The following TEX36 variants were observed in gnomAD, a reference collection of about 807,000 sequenced individuals.
The protein encoded by TEX36 is testis expressed 36, also known as testis-expressed protein 36.
Under a neutral mutation model 13.6 loss-of-function variants are expected in TEX36, and 12 were observed. The ratio of observed to expected loss-of-function variants is 0.88; its 90% CI spans 0.56 to 1.43. The LOEUF (loss-of-function observed/expected upper bound fraction) is 1.43. Among genes scored for constraint, TEX36 ranks in the 40% most tolerant of loss-of-function variants. The pLI is 0.00. For synonymous variants in TEX36, 93 were observed against 83.0 expected, an observed-to-expected ratio of 1.12 and a Z score of -0.65; for missense variants, 224 against 228.3, an observed-to-expected ratio of 0.98 and a Z score of 0.12.
At position 125,641,198 on chromosome 10, in the gene TEX36, C is replaced by T. The variant is rs867684067; in HGVS notation, c.265-19553G>A. Among the ~76,000 whole-genome samples, 4 of 152,152 alleles carry T rather than the reference C, an allele frequency of 2.6e-5. No homozygotes were observed. In the South Asian group the frequency reaches 8.3e-4, roughly 31 times the overall value. On this transcript the variant is annotated intron_variant, in intron 3 of 3. Coordinates refer to the TEX36 transcript ENST00000526819. ...AAGTGCCCTCACAACATCTGATTCC[C>T]GTGCCTGGCCACCCAAACAGAAATG...
chr10:125,612,961 T>C (rs1023678681), intron 3 of TEX36, among the ~76,000 whole-genome samples: 13 of 152,078 alleles, frequency 8.5e-5, no homozygotes, highest in Non-Finnish European at 1.8e-4. Context: ...ATATCAATAC[T>C]AAAGGCAGCC....
intron 3 of TEX36, among the ~76,000 whole-genome samples, chr10:125,644,191 AC>A (rs1846732832): frequency 6.6e-6 from 1 of 152,228 alleles, no homozygotes; most frequent in Non-Finnish European, 1.5e-5. Flanking sequence ...TGGCTAAATA[AC>A]AGAATGGATC....
intron 3 of TEX36, among the ~76,000 whole-genome samples, chr10:125,630,181 C>T (rs1380247561): frequency 6.6e-6 from 1 of 152,130 alleles, no homozygotes; most frequent in Non-Finnish European, 1.5e-5. Flanking sequence ...ATTTTATTGG[C>T]ATTTTATTAT....
At chr10:125,657,616 T>C (rs982567288) in intron 3 of TEX36, among the ~76,000 whole-genome samples, 8 of 152,074 alleles carry the variant, frequency 5.3e-5, no homozygotes, top group Non-Finnish European at 7.4e-5. Context: ...TGTACTGAAT[T>C]GTACAAATTC....
At chr10:125,668,601 T>A (rs928537951) in intron 1 of TEX36, among the ~76,000 whole-genome samples, 2 of 152,172 alleles carry the variant, frequency 1.3e-5, no homozygotes, top group Non-Finnish European at 2.9e-5. Context: ...TATTTGGGTT[T>A]TCTCTTTTGT....
At chr10:125,615,214 C>T (rs1028156166) in intron 3 of TEX36, among the ~76,000 whole-genome samples, 2 of 152,020 alleles carry the variant, frequency 1.3e-5, no homozygotes, top group African/African-American at 4.8e-5. Context: ...GATATACAAT[C>T]ATGTCATCTG....
chr10:125,579,710 G>A (rs534161328), intron 3 of TEX36, among the ~76,000 whole-genome samples: 8 of 152,086 alleles, frequency 5.3e-5, no homozygotes, highest in South Asian at 2.1e-4. Flanking sequence ...GTGAATTCTC[G>A]TGAGACCTGG....
intron 1 of TEX36, among the ~76,000 whole-genome samples, chr10:125,662,440 C>T (rs1429824121): frequency 6.6e-6 from 1 of 152,080 alleles, no homozygotes; most frequent in East Asian, 1.9e-4. Context: ...AACAGAGAAT[C>T]TCAAGTGATT....
downstream of TEX36, among the ~76,000 whole-genome samples, chr10:125,654,583 G>C (rs1846911781): frequency 1.3e-5 from 2 of 152,062 alleles, no homozygotes; most frequent in Admixed American, 6.5e-5. Flanking sequence ...TTCATGTACA[G>C]AAAAAAATTC....
chr10:125,618,249 G>C (rs1426655327), downstream of TEX36, among the ~76,000 whole-genome samples: 1 of 152,098 alleles, frequency 6.6e-6, no homozygotes, highest in African/African-American at 2.4e-5. Context: ...CCCGTAGCTC[G>C]GAGTAATTTG....
chr10:125,675,014 G>A (rs1330130027), intron 1 of TEX36, among the ~76,000 whole-genome samples: 2 of 152,272 alleles, frequency 1.3e-5, no homozygotes, highest in African/African-American at 4.8e-5. Flanking sequence ...GCCAGCAGGG[G>A]AGAAGACTAA....
chr10:125,632,568 C>A (rs956693330), intron 3 of TEX36, among the ~76,000 whole-genome samples: 1 of 152,000 alleles, frequency 6.6e-6, no homozygotes, highest in African/African-American at 2.4e-5. Flanking sequence ...CTCTGAGGAC[C>A]ACCTTTTGAG....
chr10:125,616,585 T>C lies in TEX36; in HGVS notation c.265-39711A>G, dbSNP rs532110345. Among the ~76,000 whole-genome samples the C allele has an allele frequency of 7.9e-3, 779 of 98,030 alleles. 6 individuals carry two copies. The highest frequency in any genetic ancestry group is 0.03 in the African/African-American group (757 of 25,418). 64.3% of individuals were successfully genotyped at this position (98,030 alleles called of 152,430 possible). On this transcript the variant is annotated intron_variant, in intron 3 of 3. Coordinates refer to the TEX36 transcript ENST00000532135. ...AGCAGGTTGTTCAGTTTCCATGTAG[T>C]TGAGCGGTTTTGAGTGAGATTCTTA...
chr10:125,621,136 A>G (rs2133559890), downstream of TEX36, among the ~76,000 whole-genome samples: 1 of 152,300 alleles, frequency 6.6e-6, no homozygotes, highest in East Asian at 1.9e-4. Flanking sequence ...TTCTGGGTAT[A>G]TATTCAAAAT....
chr10:125,586,917 G>A (rs1236192958), intron 3 of TEX36, among the ~76,000 whole-genome samples: 1 of 152,102 alleles, frequency 6.6e-6, no homozygotes, highest in East Asian at 1.9e-4. Context: ...TGATTGGAAA[G>A]GTGGTTTCTA....
intron 3 of TEX36, among the ~76,000 whole-genome samples, chr10:125,636,986 A>G (rs1846631071): frequency 6.6e-6 from 1 of 151,836 alleles, no homozygotes; most frequent in Admixed American, 6.6e-5. Flanking sequence ...TATGAATTTG[A>G]CTATTTTAAA....
intron 3 of TEX36, among the ~76,000 whole-genome samples, chr10:125,611,358 A>T (rs1413591944): frequency 1.3e-5 from 2 of 152,218 alleles, no homozygotes; most frequent in East Asian, 3.9e-4. Context: ...CACTTTCCTC[A>T]ACATTTTAAT....
At chr10:125,597,266 G>T (rs1050991757) in intron 3 of TEX36, among the ~76,000 whole-genome samples, 1 of 152,128 alleles carries the variant, frequency 6.6e-6, no homozygotes, top group Non-Finnish European at 1.5e-5. Flanking sequence ...TCCATTCTTT[G>T]TTCCACCCAT....
chr10:125,577,221 G>A (rs1036163089), intron 3 of TEX36, among the ~76,000 whole-genome samples: 3 of 152,214 alleles, frequency 2.0e-5, no homozygotes, highest in Non-Finnish European at 2.9e-5. Context: ...ATCAGGCTGG[G>A]TGCAGTGGCT....
Sources: allele counts gnomAD v4.1 joint callset (sites outside exome capture counted in the v4.1 genomes callset), GRCh38; gene constraint gnomAD v4.1.1; transcripts MANE v1.5; gene names NCBI Gene and HGNC (gene_info 2026-07-23, HGNC 2026-07-21).